Variants in ERBB4 observed in about 807,000 individuals in gnomAD.
ERBB4 encodes receptor tyrosine-protein kinase erbB-4.
ERBB4 carries 42 observed loss-of-function variants against 158.0 expected under a neutral mutation model. The observed-to-expected ratio is 0.27, with a 90% confidence interval of 0.21 to 0.34. The LOEUF (loss-of-function observed/expected upper bound fraction) is 0.34. Ranked by LOEUF, ERBB4 falls within the 10% of genes least tolerant of loss-of-function variation. The pLI, the probability that ERBB4 is intolerant of heterozygous loss-of-function variation, is 1.00. For synonymous variants in ERBB4, 583 were observed against 558.7 expected, an observed-to-expected ratio of 1.04 and a Z score of -0.61; for missense variants, 1,333 against 1,624.1, an observed-to-expected ratio of 0.82 and a Z score of 3.08.
chr2:211,742,321 ATAAT>A (rs1302632516), intron 5 of ERBB4, among the ~76,000 whole-genome samples: 1 of 152,232 alleles, frequency 6.6e-6, no homozygotes, highest in African/African-American at 2.4e-5. Context: ...GTGTGTGAGT[ATAAT>A]TAGTTTATTA....
chr2:211,739,941 G>T (rs1008190391), intron 5 of ERBB4, among the ~76,000 whole-genome samples: 2 of 152,090 alleles, frequency 1.3e-5, no homozygotes, highest in Non-Finnish European at 2.9e-5. Flanking sequence ...TAATTTTGTG[G>T]TTACATATTG....
intron 2 of ERBB4, among the ~76,000 whole-genome samples, chr2:211,977,530 T>TAAAA (rs1394107563): frequency 1.5e-4 from 1 of 6,688 alleles, no homozygotes; most frequent in African/African-American, 4.2e-4. Flanking sequence ...GATATTGACT[T>TAAAA]TAAAAAAAAA....
intron 20 of ERBB4, among the ~76,000 whole-genome samples, chr2:211,479,275 T>G (rs947652189): frequency 1.3e-5 from 2 of 152,160 alleles, no homozygotes; most frequent in Admixed American, 1.3e-4. Context: ...TCCCCTCTAT[T>G]TCTGCTCCTG....
intron 20 of ERBB4, among the ~76,000 whole-genome samples, chr2:211,501,402 A>C (rs1240634784): frequency 6.6e-6 from 1 of 151,874 alleles, no homozygotes; most frequent in Non-Finnish European, 1.5e-5. Flanking sequence ...GGATACCCCA[A>C]CTACTTGATT....
At chr2:212,386,450 C>A (rs770786669) in intron 1 of ERBB4, among the ~76,000 whole-genome samples, 35 of 151,784 alleles carry the variant, frequency 2.3e-4, no homozygotes, top group South Asian at 6.2e-4. Context: ...TCAAAGCTGC[C>A]AAATAGATCT....
At chr2:211,480,522 G>A (rs1347982360) in intron 20 of ERBB4, among the ~76,000 whole-genome samples, 6 of 152,076 alleles carry the variant, frequency 3.9e-5, no homozygotes, top group African/African-American at 1.2e-4. Context: ...TTTCGTGATT[G>A]TAAGTTTCCC....
chr2:211,462,769 G>T (rs2064570194), intron 20 of ERBB4, among the ~76,000 whole-genome samples: 2 of 151,984 alleles, frequency 1.3e-5, no homozygotes, highest in Non-Finnish European at 2.9e-5. Context: ...AAAAAATATT[G>T]TCAGCTCTCT....
At chr2:212,185,034 C>CTTTTTTTTTTTTTTTTTTTT (rs762121501) in intron 1 of ERBB4, among the ~76,000 whole-genome samples, 1 of 132,574 alleles carries the variant, frequency 7.5e-6, no homozygotes, top group African/African-American at 2.8e-5. Context: ...TTTTTTTTTT[C>CTTTTTTTTTTTTTTTTTTTT]TTTTGAGACA....
intron 20 of ERBB4, among the ~76,000 whole-genome samples, chr2:211,545,137 T>C (rs2066909105): frequency 6.6e-6 from 1 of 152,128 alleles, no homozygotes; most frequent in Admixed American, 6.6e-5. Flanking sequence ...TGTGACTTGA[T>C]ATGCCAAAGC....
At chr2:212,401,664 T>G (rs974551088) in intron 1 of ERBB4, among the ~76,000 whole-genome samples, 3 of 152,154 alleles carry the variant, frequency 2.0e-5, no homozygotes, top group Non-Finnish European at 4.4e-5. Flanking sequence ...CCATTATGTT[T>G]ATTAAACATG....
At chr2:212,063,587 G>T (rs1193162423) in intron 2 of ERBB4, among the ~76,000 whole-genome samples, 1 of 151,882 alleles carries the variant, frequency 6.6e-6, no homozygotes, top group Non-Finnish European at 1.5e-5. Flanking sequence ...ACCACTGAAA[G>T]CATGATAGCA....
intron 1 of ERBB4, among the ~76,000 whole-genome samples, chr2:212,474,677 T>C (rs939992437): frequency 9.2e-5 from 14 of 152,168 alleles, no homozygotes; most frequent in African/African-American, 3.4e-4. Context: ...AATTTCCACA[T>C]CCACAAGACT....
intron 3 of ERBB4, among the ~76,000 whole-genome samples, chr2:211,815,054 C>G (rs974154216): frequency 6.6e-6 from 1 of 152,122 alleles, no homozygotes; most frequent in Non-Finnish European, 1.5e-5. Context: ...CAAAAGGCTT[C>G]TCGCATGGGG....
At chr2:212,129,569 T>C (rs1380621644) in intron 1 of ERBB4, among the ~76,000 whole-genome samples, 3 of 151,924 alleles carry the variant, frequency 2.0e-5, no homozygotes, top group East Asian at 3.8e-4. Context: ...CTACCCTACA[T>C]TGCAATAATT....
chr2:211,971,229 C>T (rs1098065), intron 2 of ERBB4, among the ~76,000 whole-genome samples: 137,839 of 152,180 alleles, frequency 0.91, 63,351 homozygotes, highest in East Asian at 1. Flanking sequence ...ATAGAGAATT[C>T]CAGCTGAGAG....
At chr2:212,046,702 A>G (rs545631283) in intron 2 of ERBB4, among the ~76,000 whole-genome samples, 36 of 152,326 alleles carry the variant, frequency 2.4e-4, no homozygotes, top group Non-Finnish European at 4.4e-4. Context: ...TAAAGCCAGG[A>G]GATTTGGGGG....
chr2:211,781,872 C>T (rs2076045997), intron 4 of ERBB4, among the ~76,000 whole-genome samples: 1 of 152,118 alleles, frequency 6.6e-6, no homozygotes, highest in Non-Finnish European at 1.5e-5. Flanking sequence ...CCTCCTGGGG[C>T]TTCAAAGCTG....
At chr2:212,459,516 A>G (rs574498349) in intron 1 of ERBB4, among the ~76,000 whole-genome samples, 2 of 152,302 alleles carry the variant, frequency 1.3e-5, no homozygotes, top group Non-Finnish European at 2.9e-5. Context: ...GAAAATGACC[A>G]TACTACCAAA....
intron 5 of ERBB4, among the ~76,000 whole-genome samples, chr2:211,729,454 A>G (rs2106146766): frequency 6.6e-6 from 1 of 151,954 alleles, no homozygotes; most frequent in South Asian, 2.1e-4. Context: ...AGGTAGGCAA[A>G]AAGAACAAAA....
Sources: gnomAD v4.1 joint callset for allele counts (sites outside exome capture counted in the v4.1 genomes callset) on GRCh38, gnomAD v4.1.1 for gene constraint, MANE v1.5 for transcripts, NCBI Gene and HGNC (gene_info 2026-07-23, HGNC 2026-07-21) for gene names.